CADM2: variants seen among roughly 807,000 people sequenced by gnomAD.
CADM2 encodes cell adhesion molecule 2, also known as immunoglobulin superfamily member 4D.
CADM2 carries 12 observed loss-of-function variants against 49.8 expected under a neutral mutation model. The ratio of observed to expected loss-of-function variants is 0.24; its 90% CI spans 0.15 to 0.39. The LOEUF (loss-of-function observed/expected upper bound fraction) is 0.39. CADM2 is among the 10% of genes least tolerant of loss of function. The pLI is 1.00. For synonymous variants in CADM2, 214 were observed against 175.4 expected (o/e 1.22, Z -1.74); for missense variants, 378 against 492.3 (o/e 0.77, Z 2.20).
chr3:85,393,982 A>G (rs2034645685), intron 1 of CADM2, among the ~76,000 whole-genome samples: 1 of 151,914 alleles, frequency 6.6e-6, no homozygotes, highest in African/African-American at 2.4e-5. Flanking sequence ...AATTTTTTGT[A>G]TTTTTAGTAG....
chr3:85,092,795 G>T (rs1442845585), intron 1 of CADM2, among the ~76,000 whole-genome samples: 3 of 152,008 alleles, frequency 2.0e-5, no homozygotes, highest in Non-Finnish European at 4.4e-5. Context: ...TATTCTTTAA[G>T]CCATTCTATG....
intron 2 of CADM2, among the ~76,000 whole-genome samples, chr3:85,740,341 A>G (rs1203889057): frequency 6.6e-6 from 1 of 152,174 alleles, no homozygotes; most frequent in Non-Finnish European, 1.5e-5. Context: ...TTGGTCCAAC[A>G]GCTTCAGTAA....
At chr3:85,127,768 A>G (rs1181008589) in intron 1 of CADM2, among the ~76,000 whole-genome samples, 4 of 152,106 alleles carry the variant, frequency 2.6e-5, no homozygotes, top group Admixed American at 6.6e-5. Context: ...TACATGTCTC[A>G]AGGGGCTCCC....
At chr3:85,512,785 G>A (rs1380129508) in intron 1 of CADM2, among the ~76,000 whole-genome samples, 2 of 104,322 alleles carry the variant, frequency 1.9e-5, no homozygotes, top group African/African-American at 5.1e-5. Context: ...AAAAAATTGA[G>A]GACTATTAAT....
intron 1 of CADM2, among the ~76,000 whole-genome samples, chr3:85,481,889 T>A (rs992328836): frequency 6.6e-6 from 1 of 151,558 alleles, no homozygotes; most frequent in African/African-American, 2.4e-5. Flanking sequence ...TCGTGTTCTT[T>A]ATGAGTCGGG....
chr3:84,995,089 C>T lies in CADM2; in HGVS notation c.61+35421C>T, dbSNP rs557323024. Among the ~76,000 whole-genome samples, 11 of 152,148 alleles carry T rather than the reference C, an allele frequency of 7.2e-5. No homozygotes were observed. In the East Asian group the frequency reaches 2.1e-3, roughly 29 times the overall value. ...TGTTCATCCATTCAAACATTTATTT[C>T]CTCATTATTTTTATAAAATCTTTCT... On this transcript the variant is annotated intron_variant, in intron 1 of 9. Transcript: ENST00000383699.
intron 1 of CADM2, among the ~76,000 whole-genome samples, chr3:85,515,592 A>G (rs2060876188): frequency 1.4e-5 from 2 of 142,552 alleles, no homozygotes; most frequent in Non-Finnish European, 3.0e-5. Flanking sequence ...CCTACAGGAG[A>G]GTGCCACCAC....
chr3:85,402,309 T>A (rs990689213), intron 1 of CADM2, among the ~76,000 whole-genome samples: 19 of 151,996 alleles, frequency 1.3e-4, no homozygotes, highest in African/African-American at 3.6e-4. Flanking sequence ...TAGATTTTTT[T>A]AAATATATAA....
intron 1 of CADM2, among the ~76,000 whole-genome samples, chr3:85,000,774 T>TATGTGTGTGCATGTGTAC (rs1347783030): frequency 6.6e-6 from 1 of 152,084 alleles, no homozygotes; most frequent in African/African-American, 2.4e-5. Flanking sequence ...TGCATGTGTA[T>TATGTGTGTGCATGTGTAC]ATGTGTGTGC....
intron 1 of CADM2, among the ~76,000 whole-genome samples, chr3:84,999,881 A>G (rs2033367983): frequency 6.6e-6 from 1 of 152,154 alleles, no homozygotes; most frequent in South Asian, 2.1e-4. Context: ...CACTCTATGG[A>G]GGCTCTGAAT....
chr3:85,757,127 G>A (rs1468896846), intron 2 of CADM2, among the ~76,000 whole-genome samples: 1 of 151,952 alleles, frequency 6.6e-6, no homozygotes, highest in East Asian at 1.9e-4. Context: ...ATTAAGTAAA[G>A]GAATGTTTTA....
intron 1 of CADM2, among the ~76,000 whole-genome samples, chr3:85,031,656 A>G (rs2034986874): frequency 6.6e-6 from 1 of 151,930 alleles, no homozygotes; most frequent in Non-Finnish European, 1.5e-5. Flanking sequence ...CTGGGACTAC[A>G]GGCACACGCC....
At chr3:85,183,433 A>G (rs1166957225) in intron 1 of CADM2, among the ~76,000 whole-genome samples, 1 of 151,770 alleles carries the variant, frequency 6.6e-6, no homozygotes, top group Non-Finnish European at 1.5e-5. Flanking sequence ...AGGAATTCAC[A>G]AAGAAAAAAA....
intron 1 of CADM2, among the ~76,000 whole-genome samples, chr3:85,159,583 A>T (rs1427307664): frequency 6.6e-6 from 1 of 152,154 alleles, no homozygotes; most frequent in African/African-American, 2.4e-5. Flanking sequence ...TTATCTGTAG[A>T]GCAGTTAAGG....
chr3:85,459,397 C>T (rs1006944895), intron 1 of CADM2, among the ~76,000 whole-genome samples: 1 of 152,158 alleles, frequency 6.6e-6, no homozygotes, highest in Non-Finnish European at 1.5e-5. Flanking sequence ...GAATAAGAGA[C>T]TAGAAATGGG....
At chr3:85,518,871 A>C (rs1001284349) in intron 1 of CADM2, among the ~76,000 whole-genome samples, 1 of 152,260 alleles carries the variant, frequency 6.6e-6, no homozygotes, top group African/African-American at 2.4e-5. Context: ...TTTTTCTTAT[A>C]AAATAACATT....
chr3:85,814,207 T>C (rs1442553087), intron 3 of CADM2, among the ~76,000 whole-genome samples: 1 of 152,186 alleles, frequency 6.6e-6, no homozygotes. Flanking sequence ...TTGTGTCCTC[T>C]CTTATTTCCT....
In CADM2 at chr3:86,073,525, T is replaced by C. The variant is rs1236713037; in HGVS notation, c.*6742T>C. The C allele has an allele frequency of 1.3e-5, 2 of 152,042 alleles. No individual in the cohort carries two copies. Among genetic ancestry groups the C allele is most frequent in the South Asian group, 2.1e-4 (1 of 4,832 alleles). 9.4% of individuals were successfully genotyped at this position (152,042 alleles called of 1,614,324 possible). ...TGTACTTAGCGGCGCTTAAAATATG[T>C]CATGTACAACTCTTATAAACATTTT... is the stretch of plus-strand genomic sequence containing the variant. On this transcript the variant is annotated 3_prime_UTR_variant, in exon 10 of 10. Coordinates refer to ENST00000383699, the MANE Select transcript of CADM2 (RefSeq NM_001167675.2).
At chr3:85,765,843 G>A (rs2069629889) in intron 2 of CADM2, among the ~76,000 whole-genome samples, 1 of 151,882 alleles carries the variant, frequency 6.6e-6, no homozygotes, top group South Asian at 2.1e-4. Context: ...CTATGTTTTT[G>A]TTTTGTTTAC....
Sources: gnomAD v4.1 joint callset for allele counts (sites outside exome capture counted in the v4.1 genomes callset) on GRCh38, gnomAD v4.1.1 for gene constraint, MANE v1.5 for transcripts, NCBI Gene and HGNC (gene_info 2026-07-23, HGNC 2026-07-21) for gene names.